TECPR2: variants seen among roughly 807,000 people sequenced by gnomAD.
The protein encoded by TECPR2 is tectonin beta-propeller repeat containing 2, also known as tectonin beta-propeller repeat-containing protein 2.
Under a neutral mutation model 138.1 loss-of-function variants are expected in TECPR2, and 65 were observed. That is an observed-to-expected ratio of 0.47 (90% CI 0.39 to 0.58). The LOEUF is 0.58. Among genes scored for constraint, TECPR2 ranks in the 20% least tolerant of loss-of-function variants. The pLI, the probability that TECPR2 is intolerant of heterozygous loss-of-function variation, is 0.00. For missense variants in TECPR2, 1,553 were observed against 1,824.5 expected (o/e 0.85, Z 2.71); for synonymous variants, 746 against 749.8 (o/e 0.99, Z 0.08).
chr14:102,488,292 T>C (rs1294750420), intron 17 of TECPR2, among the ~76,000 whole-genome samples: 1 of 151,920 alleles, frequency 6.6e-6, no homozygotes, highest in African/African-American at 2.4e-5. Flanking sequence ...GAGCTGGGAT[T>C]ATAGGTGTAA....
Position 102,499,496 on chromosome 14 carries a change from C to G in TECPR2, c.*1239C>G. 2.1e-6 allele frequency: 1 copy of G among 486,140 alleles called. No homozygotes were observed. Among genetic ancestry groups the G allele is most frequent in the Non-Finnish European group, 3.7e-6 (1 of 269,214 alleles). 30.1% of individuals were successfully genotyped at this position (486,140 alleles called of 1,614,324 possible). ...AGAGGGGCAGGCATCCCCGCACAGA[C>G]TTGACTGGCAGGGCGGTCACGGGAC... On this transcript the variant is annotated 3_prime_UTR_variant, in exon 20 of 20. Transcript: ENST00000359520.
chr14:102,445,578 T>C (rs1465458374), intron 12 of TECPR2, among the ~76,000 whole-genome samples: 1 of 152,162 alleles, frequency 6.6e-6, no homozygotes, highest in Non-Finnish European at 1.5e-5. Context: ...CCAGCCATTC[T>C]GGGTCATCAG....
chr14:102,385,783 A>G (rs1887980766), intron 2 of TECPR2, among the ~76,000 whole-genome samples: 1 of 152,014 alleles, frequency 6.6e-6, no homozygotes, highest in Non-Finnish European at 1.5e-5. Flanking sequence ...AAAGAATACA[A>G]AAATTATTCA....
chr14:102,476,855 G>A (rs1411686199), intron 17 of TECPR2, among the ~76,000 whole-genome samples: 1 of 151,968 alleles, frequency 6.6e-6, no homozygotes, highest in Admixed American at 6.6e-5. Context: ...AGGAGTTCAA[G>A]ACCAGCCTAA....
chr14:102,411,983 A>G (rs1418556308), intron 4 of TECPR2, among the ~76,000 whole-genome samples: 7 of 152,192 alleles, frequency 4.6e-5, no homozygotes, highest in Non-Finnish European at 1.0e-4. Flanking sequence ...AAAAATGTGG[A>G]ATCTGAAACC....
At chr14:102,487,134 G>A (rs1022222793) in intron 17 of TECPR2, among the ~76,000 whole-genome samples, 1 of 152,192 alleles carries the variant, frequency 6.6e-6, no homozygotes, top group Non-Finnish European at 1.5e-5. Context: ...AGAGAGACTT[G>A]GAGGGAAAAG....
In TECPR2 at chr14:102,498,764, A is replaced by G. The variant is rs1351886755; in HGVS notation, c.*507A>G. ...TGTCCCCCCAGAGACAAAGCTGCAG[A>G]GCACATTCCATGCCAGACGCTCTGG... On this transcript the variant is annotated 3_prime_UTR_variant, in exon 20 of 20. Coordinates refer to ENST00000359520, the MANE Select transcript of TECPR2 (RefSeq NM_014844.5). The G allele has an allele frequency of 6.2e-6, 3 of 484,864 alleles. No individual in the cohort carries two copies. Among genetic ancestry groups the G allele is most frequent in the East Asian group, 9.2e-5 (2 of 21,692 alleles). 30.0% of individuals were successfully genotyped at this position (484,864 alleles called of 1,614,324 possible).
rs79707904 is a variant in TECPR2, at chr14:102,441,038, C to T, written c.2752+429C>T. The stretch of plus-strand genomic sequence containing the variant: ...CCCGGCTCCTATATACTTACTTACC[C>T]GTGGGCCAGGAAAAAAAAAGAAATA... On this transcript the variant is annotated intron_variant, in intron 11 of 19. Coordinates refer to ENST00000359520, the MANE Select transcript of TECPR2 (RefSeq NM_014844.5). Among the ~76,000 whole-genome samples the T allele has an allele frequency of 2.6e-3, 398 of 151,926 alleles. 1 individual carries two copies. The highest frequency in any genetic ancestry group is 9.0e-3 in the African/African-American group (374 of 41,446).
chr14:102,370,179 C>T (rs1887464421), intron 1 of TECPR2, among the ~76,000 whole-genome samples: 1 of 151,942 alleles, frequency 6.6e-6, no homozygotes, highest in South Asian at 2.1e-4. Flanking sequence ...TCAAGCGATT[C>T]TCCTGCCTCA....
In TECPR2 at chr14:102,436,803, G is replaced by A. The variant is rs374694943; in HGVS notation, c.2395-1219G>A. ...GAGCCAGGTACATGTTCACATCCTC[G>A]CAGTTGAGTGGGACTCAGGTGAGGG... On this transcript the variant is annotated intron_variant, in intron 9 of 19. Coordinates refer to ENST00000359520, the MANE Select transcript of TECPR2 (RefSeq NM_014844.5). 2.0e-5 allele frequency among the ~76,000 whole-genome samples: 3 copies of A among 152,300 alleles called. No individual in the cohort carries two copies. In the South Asian group the frequency reaches 6.2e-4, roughly 32 times the overall value.
Position 102,498,375 on chromosome 14 carries a change from T to C in TECPR2, c.*118T>C. 1 of 1,262,158 alleles carries C rather than the reference T, an allele frequency of 7.9e-7. No individual in the cohort carries two copies. Among genetic ancestry groups the C allele is most frequent in the Non-Finnish European group, 1.1e-6 (1 of 935,400 alleles). The allele number at this position is 1,262,158 out of a possible 1,614,324, so 78.2% of individuals were successfully genotyped here. On this transcript the variant is annotated 3_prime_UTR_variant, in exon 20 of 20. Coordinates refer to ENST00000359520, the MANE Select transcript of TECPR2 (RefSeq NM_014844.5). ...ACTTGTCCAGACACCTCTGGCCAGGTTGGACCCGCACACTTACTTTCATCT... is the reference window on the plus strand; with the variant it reads ...ACTTGTCCAGACACCTCTGGCCAGGCTGGACCCGCACACTTACTTTCATCT...
chr14:102,396,269 G>A (rs1179864627), intron 2 of TECPR2, among the ~76,000 whole-genome samples: 1 of 151,796 alleles, frequency 6.6e-6, no homozygotes, highest in Non-Finnish European at 1.5e-5. Context: ...CGCCAGGCTA[G>A]TTTTTGTATT....
rs1471783787 is a variant in TECPR2 at position 102,450,639 on chromosome 14, C to T, written c.3396C>T (p.Pro1132=). Residue 1132 remains proline, a synonymous_variant, in exon 15 of 20, where the codon CCC becomes CCT. Transcript: ENST00000359520. The part of the protein sequence containing the change: ...KWAFVLASAA[P]TKEGSFLWLC... Reference sequence around the variant, plus strand: ...CCTTTGTGTTGGCTTCTGCAGCTCCCACGAAGGAAGGTGGGTCAGTCTTAG... The same window carrying T: ...CCTTTGTGTTGGCTTCTGCAGCTCCTACGAAGGAAGGTGGGTCAGTCTTAG... 1.2e-6 allele frequency: 2 copies of T among 1,614,016 alleles called. No homozygotes were observed. The highest frequency in any genetic ancestry group is 3.3e-5 in the Admixed American group (2 of 60,000).
intron 2 of TECPR2, among the ~76,000 whole-genome samples, chr14:102,385,167 T>C (rs1293779686): frequency 6.6e-6 from 1 of 152,074 alleles, no homozygotes; most frequent in African/African-American, 2.4e-5. Context: ...CTTTTTCTTT[T>C]AGTATGGAGT....
At chr14:102,430,895 T>C (rs997020614) in intron 7 of TECPR2, among the ~76,000 whole-genome samples, 10 of 152,240 alleles carry the variant, frequency 6.6e-5, no homozygotes, top group Admixed American at 2.0e-4. Context: ...TTGAGTAATC[T>C]TAAAGTATAT....
chr14:102,486,778 C>T (rs905126378), intron 17 of TECPR2, among the ~76,000 whole-genome samples: 1 of 152,212 alleles, frequency 6.6e-6, no homozygotes, highest in African/African-American at 2.4e-5. Context: ...AGGAGGTCCT[C>T]CTAGTGTGTC....
intron 17 of TECPR2, among the ~76,000 whole-genome samples, chr14:102,493,233 G>C (rs926557038): frequency 6.6e-6 from 1 of 152,244 alleles, no homozygotes; most frequent in Non-Finnish European, 1.5e-5. Context: ...CGGGCAGTGT[G>C]TGGGGGAGTC....
intron 17 of TECPR2, among the ~76,000 whole-genome samples, chr14:102,480,358 G>A (rs1890863242): frequency 6.6e-6 from 1 of 151,890 alleles, no homozygotes; most frequent in African/African-American, 2.4e-5. Context: ...CCGAGTAGCT[G>A]GGACTACAGG....
chr14:102,440,295 G>T (rs751061285), intron 10 of TECPR2, 141 bp from the exon 11 acceptor site: 29 of 1,160,304 alleles, frequency 2.5e-5, no homozygotes, highest in Non-Finnish European at 3.4e-5. Flanking sequence ...CCTGGGTCTG[G>T]TGGCCTCTTT....
Sources: allele counts gnomAD v4.1 joint callset (sites outside exome capture counted in the v4.1 genomes callset), GRCh38; gene constraint gnomAD v4.1.1; transcripts MANE v1.5; gene names NCBI Gene and HGNC (gene_info 2026-07-23, HGNC 2026-07-21).